Variants in UNC13C observed in about 807,000 individuals in gnomAD.
The protein encoded by UNC13C is unc-13 homolog C, also known as protein unc-13 homolog C.
In UNC13C, 174 loss-of-function variants were observed where a neutral mutation model predicts 245.4. That is an observed-to-expected ratio of 0.71 (90% confidence interval 0.63 to 0.80). UNC13C has a LOEUF of 0.80. Ranked by LOEUF, UNC13C falls within the 30% of genes least tolerant of loss-of-function variation. The probability of loss-of-function intolerance (pLI) is 0.00; values close to 1 mark genes in which losing one functional copy is unlikely to be tolerated. For synonymous variants in UNC13C, 992 were observed against 895.1 expected, an observed-to-expected ratio of 1.11 and a Z score of -1.93; for missense variants, 2,829 against 2,602.9, an observed-to-expected ratio of 1.09 and a Z score of -1.89.
At chr15:54,416,039 C>T (rs2040513160) in intron 19 of UNC13C, among the ~76,000 whole-genome samples, 1 of 152,110 alleles carries the variant, frequency 6.6e-6, no homozygotes, top group Non-Finnish European at 1.5e-5. Context: ...GAAGAGAGAA[C>T]TCAGTGGGCC....
intron 10 of UNC13C, among the ~76,000 whole-genome samples, chr15:54,273,159 T>C (rs2036733229): frequency 6.6e-6 from 1 of 152,132 alleles, no homozygotes; most frequent in African/African-American, 2.4e-5. Context: ...GGAAAACGGA[T>C]TAGGTGAGGA....
the UNC13C span, among the ~76,000 whole-genome samples, chr15:53,936,064 G>C: frequency 6.6e-6 from 1 of 152,186 alleles, no homozygotes; most frequent in Non-Finnish European, 1.5e-5. Context: ...CACCTCACAA[G>C]TTAAGACTCA....
At chr15:54,115,860 T>A (rs2141184018) in intron 2 of UNC13C, among the ~76,000 whole-genome samples, 1 of 152,172 alleles carries the variant, frequency 6.6e-6, no homozygotes, top group East Asian at 1.9e-4. Context: ...AGGCATGTGA[T>A]TTATAAATTA....
Position 54,113,631 on chromosome 15 carries a change from C to T in UNC13C, c.2984-29387C>T, listed in dbSNP as rs753011664. On this transcript the variant is annotated intron_variant, in intron 2 of 32. Coordinates refer to ENST00000260323, the MANE Select transcript of UNC13C (RefSeq NM_001080534.3). ...CATGAAGTCAGGAGATCAAGATCATCGTACCTAATACTGTGAAACCCCGTC... is the reference window on the plus strand; with the variant it reads ...CATGAAGTCAGGAGATCAAGATCATTGTACCTAATACTGTGAAACCCCGTC... 4.3e-4 allele frequency among the ~76,000 whole-genome samples: 66 copies of T among 152,014 alleles called. 1 individual carries two copies. The highest frequency in any genetic ancestry group is 2.6e-4 in the Admixed American group (4 of 15,262).
intron 4 of UNC13C, among the ~76,000 whole-genome samples, chr15:54,197,294 T>G (rs749204987): frequency 6.6e-6 from 1 of 151,894 alleles, no homozygotes; most frequent in African/African-American, 2.4e-5. Flanking sequence ...CTGGCCAACA[T>G]GGCAAAACCC....
chr15:54,260,446 G>T (rs2036393500), intron 8 of UNC13C, among the ~76,000 whole-genome samples: 1 of 151,690 alleles, frequency 6.6e-6, no homozygotes, highest in Non-Finnish European at 1.5e-5. Flanking sequence ...TTTTGGAAGA[G>T]CTGTTGAGAA....
At chr15:54,429,443 A>G (rs2040824245) in intron 19 of UNC13C, among the ~76,000 whole-genome samples, 1 of 151,726 alleles carries the variant, frequency 6.6e-6, no homozygotes, top group Admixed American at 6.6e-5. Context: ...TTCTCAAATC[A>G]CAACAGTTAT....
chr15:54,050,491 A>G (rs1386249197), intron 2 of UNC13C: 4 of 536,912 alleles, frequency 7.5e-6, no homozygotes, highest in East Asian at 5.0e-5. Context: ...CCAAATTTTT[A>G]TTTGTCCACC....
chr15:54,395,511 C>G (rs1434660213), intron 18 of UNC13C, among the ~76,000 whole-genome samples: 2 of 151,878 alleles, frequency 1.3e-5, no homozygotes, highest in African/African-American at 4.8e-5. Flanking sequence ...TAAACGATCC[C>G]TGTTATTGTG....
chr15:54,171,817 G>T (rs8038134), intron 4 of UNC13C, among the ~76,000 whole-genome samples: 1 of 151,876 alleles, frequency 6.6e-6, no homozygotes, highest in African/African-American at 2.4e-5. Flanking sequence ...TGTTTATTGC[G>T]GTATTATTCA....
intron 2 of UNC13C, among the ~76,000 whole-genome samples, chr15:54,083,738 C>T (rs947802860): frequency 6.6e-6 from 1 of 152,098 alleles, no homozygotes; most frequent in African/African-American, 2.4e-5. Flanking sequence ...CTCTAGGGAC[C>T]CCACAGCTCC....
intron 18 of UNC13C, among the ~76,000 whole-genome samples, chr15:54,414,173 G>C (rs1428476240): frequency 6.6e-6 from 1 of 152,070 alleles, no homozygotes; most frequent in Admixed American, 6.6e-5. Flanking sequence ...TTTGCCAGAG[G>C]GAGTGAGGAA....
chr15:54,422,276 A>G (rs1596352802), intron 19 of UNC13C, among the ~76,000 whole-genome samples: 1 of 151,788 alleles, frequency 6.6e-6, no homozygotes, highest in Non-Finnish European at 1.5e-5. Flanking sequence ...CATCTCTACT[A>G]CCTCCAACTA....
At chr15:54,174,524 C>G (rs776494260) in intron 4 of UNC13C, among the ~76,000 whole-genome samples, 6 of 152,102 alleles carry the variant, frequency 3.9e-5, no homozygotes, top group Non-Finnish European at 8.8e-5. Context: ...GATTTAATCA[C>G]TGTATTCTCA....
At chr15:54,343,300 A>C (rs1230069459) in intron 17 of UNC13C, among the ~76,000 whole-genome samples, 1 of 151,742 alleles carries the variant, frequency 6.6e-6, no homozygotes, top group Non-Finnish European at 1.5e-5. Context: ...CGCCTGGCTT[A>C]TTTTGTATTT....
chr15:54,274,931 A>C (rs2036792642), intron 10 of UNC13C, among the ~76,000 whole-genome samples: 1 of 152,070 alleles, frequency 6.6e-6, no homozygotes, highest in South Asian at 2.1e-4. Flanking sequence ...CGGCCTCCCA[A>C]AGTGCTGGGA....
At chr15:54,015,976 G>A in intron 2 of UNC13C, 90 bp downstream of exon 2, 1 of 1,160,870 alleles carries the variant, frequency 8.6e-7, no homozygotes, top group Non-Finnish European at 1.2e-6. Flanking sequence ...TTACTTGGGT[G>A]AAAGAGTTTA....
At chr15:54,584,142 G>T (rs775173819) in intron 30 of UNC13C, among the ~76,000 whole-genome samples, 11 of 152,162 alleles carry the variant, frequency 7.2e-5, no homozygotes, top group Non-Finnish European at 1.5e-4. Flanking sequence ...GGCTCTCCTG[G>T]AGATTGGCTG....
At chr15:54,625,404 A>C (rs1048986754) in intron 32 of UNC13C, among the ~76,000 whole-genome samples, 1 of 152,170 alleles carries the variant, frequency 6.6e-6, no homozygotes, top group Non-Finnish European at 1.5e-5. Flanking sequence ...ATAAAATCAA[A>C]GATGATCCCT....
Sources: gnomAD v4.1 joint callset for allele counts (sites outside exome capture counted in the v4.1 genomes callset) on GRCh38, gnomAD v4.1.1 for gene constraint, MANE v1.5 for transcripts, NCBI Gene and HGNC (gene_info 2026-07-23, HGNC 2026-07-21) for gene names.